The following PPARA variants were observed in gnomAD, a reference collection of about 807,000 sequenced individuals.
PPARA encodes peroxisome proliferator-activated receptor alpha.
PPARA carries 22 observed loss-of-function variants against 42.2 expected under a neutral mutation model. The observed-to-expected ratio is 0.52, with a 90% CI of 0.37 to 0.74. The LOEUF (loss-of-function observed/expected upper bound fraction) is 0.74, where lower values mean the gene tolerates loss of function less well. Among genes scored for constraint, PPARA ranks in the 30% least tolerant of loss-of-function variants. The pLI is 0.00. For synonymous variants in PPARA, 242 were observed against 239.3 expected (o/e 1.01, Z -0.10); for missense variants, 465 against 608.2 (o/e 0.76, Z 2.48).
intron 3 of PPARA, among the ~76,000 whole-genome samples, chr22:46,189,130 C>T (rs1028857788): frequency 1.3e-5 from 2 of 152,202 alleles, no homozygotes; most frequent in African/African-American, 4.8e-5. Context: ...GCAGGCCTCT[C>T]GGCCTACTCT....
chr22:46,201,602 G>A (rs998789252), intron 4 of PPARA, among the ~76,000 whole-genome samples: 3 of 152,130 alleles, frequency 2.0e-5, no homozygotes, highest in South Asian at 2.1e-4. Context: ...GACAATGACC[G>A]CATTGTTTCC....
intron 2 of PPARA, among the ~76,000 whole-genome samples, 162 bp downstream of exon 2, chr22:46,152,132 A>ATTTTTTTTTT (rs780789203): frequency 9.6e-6 from 1 of 104,682 alleles, no homozygotes; most frequent in Non-Finnish European, 1.9e-5. Context: ...GCATGGATTC[A>ATTTTTTTTTT]TTTTTTTTTT....
chr22:46,218,093 A>C (rs547797066), intron 5 of PPARA, among the ~76,000 whole-genome samples, 170 bp from the exon 6 acceptor site: 12 of 152,094 alleles, frequency 7.9e-5, no homozygotes, highest in African/African-American at 2.4e-4. Flanking sequence ...AGCCTCCTAA[A>C]GTGCTGGGAT....
At position 46,156,317 on chromosome 22, in the gene PPARA, A is replaced by G. The variant is rs1336931357; in HGVS notation, c.-127+4347A>G. ...TCATCAGAAAATGAAGTTCCTCTCCATACCACCTCTCTGAAGGGCTGTGAA... is the reference window on the plus strand; with the variant it reads ...TCATCAGAAAATGAAGTTCCTCTCCGTACCACCTCTCTGAAGGGCTGTGAA... On this transcript the variant is annotated intron_variant, in intron 2 of 8. Coordinates refer to ENST00000407236, the MANE Select transcript of PPARA (RefSeq NM_005036.6). The surrounding 1 kb of genome is among the most constrained non-coding windows in gnomAD (Gnocchi z 5.2). 1 of 152,174 alleles carries G rather than the reference A, an allele frequency of 6.6e-6. No homozygotes were observed. The highest frequency in any genetic ancestry group is 2.4e-5 in the African/African-American group (1 of 41,440). The allele number at this position is 152,174 out of a possible 1,614,324, so 9.4% of individuals were successfully genotyped here.
Position 46,192,063 on chromosome 22 carries a change from C to CA in PPARA, c.-42-6271dup, listed in dbSNP as rs1056156071. On this transcript the variant is annotated intron_variant, in intron 3 of 8. Coordinates refer to ENST00000407236, the MANE Select transcript of PPARA (RefSeq NM_005036.6). This position sits in a 1 kb window ranked among gnomAD's most constrained non-coding sequence, Gnocchi z 4.3. ...CTGGTGACAGAGTGAGACTCCATCT[C>CA]AAAAAAAAGAGAAAGAAAGAAATAG... Among the ~76,000 whole-genome samples the CA allele has an allele frequency of 1.3e-5, 2 of 151,730 alleles. No homozygotes were observed. The highest frequency in any genetic ancestry group is 1.9e-4 in the East Asian group (1 of 5,176).
At chr22:46,208,239 C>G (rs1359391040) in intron 4 of PPARA, among the ~76,000 whole-genome samples, 2 of 152,058 alleles carry the variant, frequency 1.3e-5, no homozygotes, top group Non-Finnish European at 2.9e-5. Context: ...ACACACTTAC[C>G]ATTTTTTGTG....
In PPARA at chr22:46,219,872, C is replaced by A. The variant is rs1465301336; in HGVS notation, c.569C>A (p.Thr190Asn). ...GCAAAACTGAAAGCAGAAATTCTTACCTGTGAACATGACATAGAAGATTCT... is the reference window on the plus strand; with the variant it reads ...GCAAAACTGAAAGCAGAAATTCTTAACTGTGAACATGACATAGAAGATTCT... ...EKAKLKAEIL[T>N]CEHDIEDSET... is the part of the protein sequence containing the mutation. Residue 190 changes from threonine (T) to asparagine (N), a missense_variant, in exon 7 of 9, where the codon ACC (threonine) becomes AAC (asparagine). By Grantham distance (65) the Thr-to-Asn change is moderately conservative (BLOSUM62 0). Coordinates refer to ENST00000407236, the MANE Select transcript of PPARA (RefSeq NM_005036.6). The surrounding 1 kb of genome is among the most constrained non-coding windows in gnomAD (Gnocchi z 4.8). 3 of 1,614,172 alleles carry A rather than the reference C, an allele frequency of 1.9e-6. No individual in the cohort carries two copies. The African/African-American group carries it at 4.0e-5, about 22-fold the overall frequency.
Position 46,198,753 on chromosome 22 carries a change from T to C in PPARA, c.208+162T>C, listed in dbSNP as rs954767361. On this transcript the variant is annotated intron_variant, in intron 4 of 8. Transcript: ENST00000407236. ...TCGGCTCACTGCAGGCTCCACCTCC[T>C]GGGTTCACACCATTCTCCTGCCTCA... Among the ~76,000 whole-genome samples the C allele has an allele frequency of 1.6e-3, 237 of 147,070 alleles. 1 individual carries two copies. Among genetic ancestry groups the C allele is most frequent in the African/African-American group, 5.7e-3 (224 of 39,486 alleles).
intron 3 of PPARA, among the ~76,000 whole-genome samples, chr22:46,186,778 C>A (rs892704707): frequency 1.3e-5 from 2 of 151,890 alleles, no homozygotes; most frequent in African/African-American, 4.8e-5. Context: ...AGTGCTCCCC[C>A]CCTTATCCAA....
At position 46,204,949 on chromosome 22, in the gene PPARA, C is replaced by T. The variant is rs886418950; in HGVS notation, c.208+6358C>T. 2.0e-5 allele frequency among the ~76,000 whole-genome samples: 3 copies of T among 152,020 alleles called. No individual in the cohort carries two copies. Among genetic ancestry groups the T allele is most frequent in the African/African-American group, 4.8e-5 (2 of 41,408 alleles). On this transcript the variant is annotated intron_variant, in intron 4 of 8. Coordinates refer to ENST00000407236, the MANE Select transcript of PPARA (RefSeq NM_005036.6). The surrounding 1 kb of genome is among the most constrained non-coding windows in gnomAD (Gnocchi z 5.2). The stretch of plus-strand genomic sequence containing the variant: ...GTGGTGCGATCATGGCTTACTGCAG[C>T]CTTGACCTCTTGGGCTCAGGAAACC...
chr22:46,218,889 G>A (rs1281584101), intron 6 of PPARA, among the ~76,000 whole-genome samples: 5 of 149,464 alleles, frequency 3.3e-5, no homozygotes, highest in African/African-American at 7.4e-5. Flanking sequence ...TCTCCCAGGT[G>A]CGGTGGTTCA....
rs777151222 is a variant in PPARA at position 46,200,700 on chromosome 22, G to A, written c.208+2109G>A. On this transcript the variant is annotated intron_variant, in intron 4 of 8. Transcript: ENST00000407236. The surrounding 1 kb of genome is among the most constrained non-coding windows in gnomAD (Gnocchi z 4.8). ...GGAGGCTGAGGCAGGCGGATCACCCGAGGTCAGGAGTTCAAGACCAGTCTG... is the reference window on the plus strand; with the variant it reads ...GGAGGCTGAGGCAGGCGGATCACCCAAGGTCAGGAGTTCAAGACCAGTCTG... Among the ~76,000 whole-genome samples, 1 of 152,142 alleles carries A rather than the reference G, an allele frequency of 6.6e-6. No individual in the cohort carries two copies. The highest frequency in any genetic ancestry group is 6.5e-5 in the Admixed American group (1 of 15,272).
chr22:46,162,729 C>G lies in PPARA; in HGVS notation c.-127+10759C>G, dbSNP rs1338917661. Among the ~76,000 whole-genome samples the G allele has an allele frequency of 6.6e-6, 1 of 152,126 alleles. No homozygotes were observed. Among genetic ancestry groups the G allele is most frequent in the Non-Finnish European group, 1.5e-5 (1 of 68,034 alleles). ...GCCTGTGGCTCCTGCCGGGTACCCA[C>G]CGGTTGAGATACCTCAAGTTTTAAA... On this transcript the variant is annotated intron_variant, in intron 2 of 8. Coordinates refer to ENST00000407236, the MANE Select transcript of PPARA (RefSeq NM_005036.6). This position sits in a 1 kb window ranked among gnomAD's most constrained non-coding sequence, Gnocchi z 6.0.
At chr22:46,218,960 G>A (rs1934763806) in intron 6 of PPARA, among the ~76,000 whole-genome samples, 1 of 152,024 alleles carries the variant, frequency 6.6e-6, no homozygotes, top group Non-Finnish European at 1.5e-5. Context: ...TCAGGAGTTT[G>A]AGACCAGCCT....
In PPARA at chr22:46,198,539, G is replaced by A. The variant is rs148645255; in HGVS notation, c.156G>A (p.Thr52=). The change falls in exon 4 of 9, where the codon ACG becomes ACA. Residue 52 remains threonine, a synonymous_variant. Coordinates refer to ENST00000407236, the MANE Select transcript of PPARA (RefSeq NM_005036.6). ...ATAGTTCTGGAAGCTTTGGCTTTACGGAATACCAGTATTTAGGAAGCTGTC... is the reference window on the plus strand; with the variant it reads ...ATAGTTCTGGAAGCTTTGGCTTTACAGAATACCAGTATTTAGGAAGCTGTC... ...GEDSSGSFGF[T]EYQYLGSCPG... 562 of 1,614,022 alleles carry A rather than the reference G, an allele frequency of 3.5e-4. 2 individuals carry two copies. The highest frequency in any genetic ancestry group is 4.3e-4 in the Non-Finnish European group (507 of 1,179,998).
rs1936135224 is a variant in PPARA at position 46,235,165 on chromosome 22, G to A, written c.1192G>A (p.Glu398Lys). 1 of 1,613,946 alleles carries A rather than the reference G, an allele frequency of 6.2e-7. No homozygotes were observed. The highest frequency in any genetic ancestry group is 8.5e-7 in the Non-Finnish European group (1 of 1,179,920). ...TGGCCTTCTAAACGTAGGACACATT[G>A]AAAAAATGCAGGAGGGTATTGTACA... ...RPGLLNVGHIEKMQEGIVHVL... is the reference protein window; with the variant it reads ...RPGLLNVGHIKKMQEGIVHVL... Residue 398 changes from glutamate to lysine, a missense_variant, in exon 9 of 9, where the codon GAA becomes AAA. Transcript: ENST00000407236. The surrounding 1 kb of genome is among the most constrained non-coding windows in gnomAD (Gnocchi z 7.0).
chr22:46,157,897 T>C (rs1278830479), intron 2 of PPARA, among the ~76,000 whole-genome samples: 1 of 149,120 alleles, frequency 6.7e-6, no homozygotes, highest in Admixed American at 6.7e-5. Context: ...GGAGTGAAGA[T>C]TTCTATTCAG....
Position 46,198,356 on chromosome 22 carries a change from G to T in PPARA, c.-28G>T. 6.2e-7 allele frequency: 1 copy of T among 1,608,240 alleles called. No homozygotes were observed. Among genetic ancestry groups the T allele is most frequent in the Non-Finnish European group, 8.5e-7 (1 of 1,175,104 alleles). ...TTTCCTCCCAGTAGCTTGGAGCTCGGCGGCACAACCAGCACCATCTGGTCG... is the reference window on the plus strand; with the variant it reads ...TTTCCTCCCAGTAGCTTGGAGCTCGTCGGCACAACCAGCACCATCTGGTCG... On this transcript the variant is annotated 5_prime_UTR_variant, in exon 4 of 9. Transcript: ENST00000407236.
chr22:46,168,078 C>T (rs142901253), intron 2 of PPARA, among the ~76,000 whole-genome samples: 29 of 151,360 alleles, frequency 1.9e-4, no homozygotes, highest in African/African-American at 5.8e-4. Context: ...AGCGACCGGG[C>T]GCAGTGGCTC....
Sources: allele counts gnomAD v4.1 joint callset (sites outside exome capture counted in the v4.1 genomes callset), GRCh38; gene constraint gnomAD v4.1.1; non-coding constraint Gnocchi (gnomAD v3.1); transcripts MANE v1.5; gene names NCBI Gene and HGNC (gene_info 2026-07-23, HGNC 2026-07-21).